The following NAE1 variants were observed in gnomAD, a reference collection of about 807,000 sequenced individuals.
The protein encoded by NAE1 is NEDD8-activating enzyme E1 regulatory subunit.
In NAE1, 59 loss-of-function variants were observed where a neutral mutation model predicts 88.0. That is an observed-to-expected ratio of 0.67 (90% CI 0.54 to 0.83). The LOEUF is 0.83. NAE1 is among the 40% of genes least tolerant of loss of function. The pLI, the probability that NAE1 is intolerant of heterozygous loss-of-function variation, is 0.00. For missense variants in NAE1, 554 were observed against 632.8 expected, an observed-to-expected ratio of 0.88 and a Z score of 1.34; for synonymous variants, 186 against 208.9, an observed-to-expected ratio of 0.89 and a Z score of 0.95.
At position 66,809,064 on chromosome 16, in the gene NAE1, C is replaced by G. The variant is rs1420233920; in HGVS notation, c.1162G>C (p.Ala388Pro). ...KELKLLCSNS[A>P]FLRVVRCRSL... ...CGACATCTTACCACTCGAAGAAATG[C>G]AGAATTGCTGCCTGAACAGAGGAAA... Residue 388 changes from alanine to proline, a missense_variant, in exon 16 of 20, where the codon GCA becomes CCA. Physicochemically the swap from Ala to Pro is conservative, Grantham distance 27. Coordinates refer to ENST00000290810, the MANE Select transcript of NAE1 (RefSeq NM_003905.4). 1 of 1,611,298 alleles carries G rather than the reference C, an allele frequency of 6.2e-7. No individual in the cohort carries two copies. Among genetic ancestry groups the G allele is most frequent in the East Asian group, 2.2e-5 (1 of 44,720 alleles).
chr16:66,823,732 CCTT>C (rs1488466313), intron 4 of NAE1, 132 bp from the exon 5 acceptor site: 3 of 704,680 alleles, frequency 4.3e-6, no homozygotes, highest in East Asian at 2.9e-5. Context: ...ACTCTGTTTC[CCTT>C]CTTTTTTCTT....
chr16:66,810,866 A>G (rs1959768852), intron 13 of NAE1, 94 bp from the exon 14 acceptor site: 1 of 1,060,436 alleles, frequency 9.4e-7, no homozygotes, highest in Admixed American at 1.8e-5. Context: ...CTTTTCATGA[A>G]AAAACACAGG....
intron 7 of NAE1, among the ~76,000 whole-genome samples, chr16:66,821,167 T>C (rs1204078601): frequency 6.6e-6 from 1 of 152,130 alleles, no homozygotes; most frequent in Non-Finnish European, 1.5e-5. Flanking sequence ...ACATGCCCAA[T>C]GTGGGTTAGG....
At chr16:66,828,256 G>A (rs151182285) in intron 1 of NAE1, 6,221 of 457,154 alleles carry the variant, frequency 0.014, 62 homozygotes, top group Non-Finnish European at 0.018. Flanking sequence ...TTTGGGAGGC[G>A]GAGGCAGGCA....
At chr16:66,815,056 C>G (rs1487397715) in intron 11 of NAE1, among the ~76,000 whole-genome samples, 1 of 152,180 alleles carries the variant, frequency 6.6e-6, no homozygotes, top group African/African-American at 2.4e-5. Context: ...GAAAGTCTCC[C>G]TGGCTCCCTA....
chr16:66,815,644 A>C (rs1459520437), intron 11 of NAE1, among the ~76,000 whole-genome samples: 1 of 145,704 alleles, frequency 6.9e-6, no homozygotes, highest in Admixed American at 6.8e-5. Context: ...GTGAGCCACC[A>C]CACCTGGCCA....
chr16:66,808,717 A>G (rs1320286444), intron 16 of NAE1, 104 bp from the exon 17 acceptor site: 3 of 854,568 alleles, frequency 3.5e-6, no homozygotes, highest in African/African-American at 1.7e-5. Flanking sequence ...TATTAACTGG[A>G]GTCACACAAT....
At position 66,808,533 on chromosome 16, in the gene NAE1, C is replaced by T; in HGVS notation, c.1318G>A (p.Gly440Ser). ...TTGCTATTCTTACCTGGATATCTAC[C>T]CTGTTGTTTATGAAATCTATCAACA... ...RAVDRFHKQQ[G>S]RYPGVSNYQV... The change falls in exon 17 of 20, where the codon GGT becomes AGT. Residue 440 changes from glycine to serine, a missense_variant. By Grantham distance (56) the Gly-to-Ser change is moderately conservative. Transcript: ENST00000290810. 7 of 1,573,974 alleles carry T rather than the reference C, an allele frequency of 4.4e-6. No homozygotes were observed. The highest frequency in any genetic ancestry group is 1.1e-5 in the South Asian group (1 of 89,132).
intron 17 of NAE1, among the ~76,000 whole-genome samples, chr16:66,807,246 C>T (rs1959601223): frequency 6.6e-6 from 1 of 152,188 alleles, no homozygotes; most frequent in Admixed American, 6.5e-5. Context: ...GTTTGTTATG[C>T]AACAGATAAC....
chr16:66,823,695 A>C, intron 4 of NAE1, 95 bp from the exon 5 acceptor site: 1 of 949,336 alleles, frequency 1.1e-6, no homozygotes, highest in Non-Finnish European at 1.6e-6. Context: ...CTGTAAAACT[A>C]TCCAAATTTC....
intron 16 of NAE1, 50 bp downstream of exon 16, chr16:66,808,939 C>A (rs1567488090): frequency 8.0e-7 from 1 of 1,255,076 alleles, no homozygotes. Context: ...ATATTTATAT[C>A]TTTTAAATTA....
At chr16:66,806,614 T>C (rs1165246265) in intron 17 of NAE1, among the ~76,000 whole-genome samples, 2 of 152,020 alleles carry the variant, frequency 1.3e-5, no homozygotes, top group African/African-American at 4.8e-5. Flanking sequence ...TTAGTTTCAG[T>C]GTTGGCTAGG....
rs897376686 is a variant in NAE1 at position 66,813,463 on chromosome 16, G to C, written c.1034+101C>G. 7 of 1,360,338 alleles carry C rather than the reference G, an allele frequency of 5.1e-6. No homozygotes were observed. In the South Asian group the frequency reaches 1.0e-4, roughly 20 times the overall value. 84.3% of individuals were successfully genotyped at this position (1,360,338 alleles called of 1,614,324 possible). A position where few individuals can be genotyped will look rare whatever the true frequency, so the allele number is the denominator to read the frequency against. On this transcript the variant is annotated intron_variant, in intron 13 of 19. Transcript: ENST00000290810. ...GCCTAGTTTATTTATAAGCAATGAG[G>C]TTGTAATAAACTTTCATTTGATTTC...
chr16:66,822,845 T>C (rs1271023856), intron 6 of NAE1, among the ~76,000 whole-genome samples: 2 of 149,776 alleles, frequency 1.3e-5, no homozygotes, highest in African/African-American at 4.9e-5. Flanking sequence ...AATTTTTGTA[T>C]TTTTAGTAGA....
rs74749616 is a variant in NAE1 at position 66,810,604 on chromosome 16, A to T, written c.1110+93T>A. 2,146 of 1,219,936 alleles carry T rather than the reference A, an allele frequency of 1.8e-3. 48 individuals are homozygous for T. In the East Asian group the frequency reaches 0.044, roughly 25 times the overall value. 75.6% of individuals were successfully genotyped at this position (1,219,936 alleles called of 1,614,324 possible). On this transcript the variant is annotated intron_variant, in intron 14 of 19. Coordinates refer to ENST00000290810, the MANE Select transcript of NAE1 (RefSeq NM_003905.4). ...AAATGACAGCTCCCTCTAAAGAAGC[A>T]CAGAGGCAGTGCCACACCCTCTGTC...
chr16:66,820,210 G>C (rs939863446), intron 7 of NAE1, among the ~76,000 whole-genome samples: 2 of 152,146 alleles, frequency 1.3e-5, no homozygotes, highest in African/African-American at 4.8e-5. Context: ...AGAGTGCTTG[G>C]CTCATAGTAA....
At chr16:66,814,824 A>G (rs369665661) in intron 11 of NAE1, among the ~76,000 whole-genome samples, 1 of 152,300 alleles carries the variant, frequency 6.6e-6, no homozygotes. Context: ...CAAGGCCTTT[A>G]TGATCTGGCC....
chr16:66,805,904 A>G lies in NAE1; in HGVS notation c.1445+8T>C. ...AATCATCTCCTAGATACCCTAAAAA[A>G]TACTCACAATTCGTGGACATAATCA... On this transcript the variant is annotated splice_region_variant and intron_variant, in intron 18 of 19. Coordinates refer to ENST00000290810, the MANE Select transcript of NAE1 (RefSeq NM_003905.4). The G allele has an allele frequency of 6.2e-7, 1 of 1,607,372 alleles. No individual in the cohort carries two copies. Among genetic ancestry groups the G allele is most frequent in the Non-Finnish European group, 8.5e-7 (1 of 1,178,072 alleles).
At position 66,817,324 on chromosome 16, in the gene NAE1, A is replaced by G. The variant is rs528370009; in HGVS notation, c.684+101T>C. 7 of 1,041,472 alleles carry G rather than the reference A, an allele frequency of 6.7e-6. No individual in the cohort carries two copies. In the East Asian group the frequency reaches 1.5e-4, roughly 22 times the overall value. 64.5% of individuals were successfully genotyped at this position (1,041,472 alleles called of 1,614,324 possible). ...TCCATTTGCCCTACCATACAACTCCATAAGGAAAAAAAATTAATCTCCCAT... is the reference window on the plus strand; with the variant it reads ...TCCATTTGCCCTACCATACAACTCCGTAAGGAAAAAAAATTAATCTCCCAT... On this transcript the variant is annotated intron_variant, in intron 9 of 19. Coordinates refer to ENST00000290810, the MANE Select transcript of NAE1 (RefSeq NM_003905.4).
Sources: allele counts gnomAD v4.1 joint callset (sites outside exome capture counted in the v4.1 genomes callset), GRCh38; gene constraint gnomAD v4.1.1; transcripts MANE v1.5; gene names NCBI Gene and HGNC (gene_info 2026-07-23, HGNC 2026-07-21).